LAG3: variants seen among roughly 807,000 people sequenced by gnomAD.
The protein encoded by LAG3 is lymphocyte activation gene 3 protein.
Under a neutral mutation model 49.0 loss-of-function variants are expected in LAG3, and 29 were observed. That is an observed-to-expected ratio of 0.59 (90% CI 0.44 to 0.81). The LOEUF (loss-of-function observed/expected upper bound fraction) is 0.81. Ranked by LOEUF, LAG3 falls within the 30% of genes least tolerant of loss-of-function variation. The probability of loss-of-function intolerance (pLI) is 0.00; values close to 1 mark genes in which losing one functional copy is unlikely to be tolerated. For missense variants in LAG3, 693 were observed against 695.2 expected, an observed-to-expected ratio of 1.00 and a Z score of 0.04; for synonymous variants, 320 against 297.3, an observed-to-expected ratio of 1.08 and a Z score of -0.79.
chr12:6,777,639 G>T, intron 6 of LAG3, 133 bp downstream of exon 6: 1 of 1,463,118 alleles, frequency 6.8e-7, no homozygotes, highest in Non-Finnish European at 9.3e-7. Context: ...CTTTTGCCTA[G>T]GGTTGACCCG....
Position 6,772,783 on chromosome 12 carries a change from C to CCCCCCCCCG in LAG3, c.-68_-67insCCCCCCGCC. ...AGAACTTCTCCTTTACCCCCCACCC[C>CCCCCCCCCG]CCACCACTGCCCCCTTTCCTTTTCT... On this transcript the variant is annotated 5_prime_UTR_variant, in exon 1 of 8. Transcript: ENST00000203629. The CCCCCCCCCG allele has an allele frequency of 8.9e-7, 1 of 1,121,562 alleles. No individual in the cohort carries two copies. The highest frequency in any genetic ancestry group is 2.0e-5 in the Admixed American group (1 of 49,940). The allele number at this position is 1,121,562 out of a possible 1,614,324, so 69.5% of individuals were successfully genotyped here. A position where few individuals can be genotyped will look rare whatever the true frequency, so the allele number is the denominator to read the frequency against.
chr12:6,775,443 C>T lies in LAG3; in HGVS notation c.952C>T (p.Leu318Phe), dbSNP rs1411219744. ...LVTGDNGDFT[L>F]RLEDVSQAQA... is the part of the protein sequence containing the mutation. ...GACTGGAGACAATGGCGACTTTACC[C>T]TTCGACTAGAGGATGTGAGCCAGGC... is the stretch of plus-strand genomic sequence containing the variant. The change falls in exon 5 of 8, where the codon CTT (leucine) becomes TTT (phenylalanine). Residue 318 changes from leucine to phenylalanine, a missense_variant. Physicochemically the swap from Leu to Phe is conservative, Grantham distance 22. Transcript: ENST00000203629. 3 of 1,614,220 alleles carry T rather than the reference C, an allele frequency of 1.9e-6. No individual in the cohort carries two copies. The highest frequency in any genetic ancestry group is 1.7e-5 in the Admixed American group (1 of 60,028).
At position 6,777,494 on chromosome 12, in the gene LAG3, C is replaced by A; in HGVS notation, c.1288C>A (p.Leu430Met). ...TGGAGCAGCAGTGTACTTCACAGAG[C>A]TGTCTAGCCCAGGTCCGAGGCCCCA... is the stretch of plus-strand genomic sequence containing the variant. Reference protein sequence around the residue: ...LLGAAVYFTELSSPGAQRSGR... With the variant: ...LLGAAVYFTEMSSPGAQRSGR... Residue 430 changes from leucine to methionine, a missense_variant, in exon 6 of 8, where the codon CTG (leucine) becomes ATG (methionine). By Grantham distance (15) the Leu-to-Met change is conservative (BLOSUM62 2). Transcript: ENST00000203629. 1 of 1,613,600 alleles carries A rather than the reference C, an allele frequency of 6.2e-7. No individual in the cohort carries two copies. Among genetic ancestry groups the A allele is most frequent in the East Asian group, 2.2e-5 (1 of 44,882 alleles).
rs1941934288 is a variant in LAG3 at position 6,778,444 on chromosome 12, T to C, written c.*54T>C. On this transcript the variant is annotated 3_prime_UTR_variant, in exon 8 of 8. Coordinates refer to ENST00000203629, the MANE Select transcript of LAG3 (RefSeq NM_002286.6). ...AGCAGCCCAGTCCAAATAAACTCCC[T>C]GTCAGCAGCAAGCCTGAGTCTGGCT... is the stretch of plus-strand genomic sequence containing the variant. 1 of 1,583,048 alleles carries C rather than the reference T, an allele frequency of 6.3e-7. No individual in the cohort carries two copies. Among genetic ancestry groups the C allele is most frequent in the Non-Finnish European group, 8.5e-7 (1 of 1,170,376 alleles).
rs1342075693 is a variant in LAG3, at chr12:6,777,301, G to A, written c.1095G>A (p.Gly365=). Residue 365 remains glycine, a synonymous_variant, in exon 6 of 8, where the codon GGG becomes GGA. Transcript: ENST00000203629. ...CCTTTGGGTCACCTGGATCCCTGGG[G>A]AAGCTGCTTTGTGAGGTGACTCCAG... ...PKSFGSPGSL[G]KLLCEVTPVS... is the part of the protein sequence containing the mutation. The A allele has an allele frequency of 1.3e-5, 21 of 1,614,016 alleles. No homozygotes were observed. The highest frequency in any genetic ancestry group is 1.7e-5 in the Admixed American group (1 of 59,992).
chr12:6,777,100 T>C (rs1366689570), intron 5 of LAG3, among the ~76,000 whole-genome samples, 164 bp from the exon 6 acceptor site: 1 of 151,896 alleles, frequency 6.6e-6, no homozygotes, highest in Non-Finnish European at 1.5e-5. Flanking sequence ...AAAAAATAAA[T>C]AGAAAGAAAA....
In LAG3 at chr12:6,774,709, G is replaced by A. The variant is rs766966277; in HGVS notation, c.626G>A (p.Gly209Asp). ...CATTGGTTCCGGAACCGGGGCCAGGGCCGAGTCCCTGTCCGGGAGTCCCCC... is the reference window on the plus strand; with the variant it reads ...CATTGGTTCCGGAACCGGGGCCAGGACCGAGTCCCTGTCCGGGAGTCCCCC... ...SVHWFRNRGQ[G>D]RVPVRESPHH... Residue 209 changes from glycine to aspartate, a missense_variant, in exon 4 of 8, where the codon GGC (glycine) becomes GAC (aspartate). Coordinates refer to ENST00000203629, the MANE Select transcript of LAG3 (RefSeq NM_002286.6). 34 of 1,614,020 alleles carry A rather than the reference G, an allele frequency of 2.1e-5. No individual in the cohort carries two copies. The highest frequency in any genetic ancestry group is 2.6e-5 in the Non-Finnish European group (31 of 1,180,004).
In LAG3 at chr12:6,773,844, C is replaced by T; in HGVS notation, c.354C>T (p.Pro118=). The part of the protein sequence containing the change: ...GLRSGRLPLQ[P]RVQLDERGRQ... Reference sequence around the variant, plus strand: ...GCAGCGGGAGGCTGCCCCTGCAGCCCCGCGTCCAGCTGGATGAGCGCGGCC... The same window carrying T: ...GCAGCGGGAGGCTGCCCCTGCAGCCTCGCGTCCAGCTGGATGAGCGCGGCC... The change falls in exon 3 of 8, where the codon CCC becomes CCT. Residue 118 remains proline (P), a synonymous_variant. Coordinates refer to ENST00000203629, the MANE Select transcript of LAG3 (RefSeq NM_002286.6). This position sits in a 1 kb window ranked among gnomAD's most constrained non-coding sequence, Gnocchi z 5.5. The T allele has an allele frequency of 7.1e-7, 1 of 1,411,712 alleles. No individual in the cohort carries two copies. The highest frequency in any genetic ancestry group is 9.2e-7 in the Non-Finnish European group (1 of 1,087,956). 87.4% of individuals were successfully genotyped at this position (1,411,712 alleles called of 1,614,324 possible). A position where few individuals can be genotyped will look rare whatever the true frequency, so the allele number is the denominator to read the frequency against.
Position 6,774,731 on chromosome 12 carries a change from C to CT in LAG3, c.648_649insT (p.Pro217SerfsTer40). ...AGGGCCGAGTCCCTGTCCGGGAGTC[C>CT]CCCCATCACCACTTAGCGGAAAGCT... On this transcript the variant is annotated frameshift_variant, in exon 4 of 8. Transcript: ENST00000203629. LOFTEE classifies it high-confidence loss of function. 6 of 1,614,152 alleles carry CT rather than the reference C, an allele frequency of 3.7e-6. No homozygotes were observed. Among genetic ancestry groups the CT allele is most frequent in the Non-Finnish European group, 4.2e-6 (5 of 1,180,020 alleles).
intron 5 of LAG3, chr12:6,775,848 T>C (rs1941901733): frequency 2.7e-6 from 1 of 368,850 alleles, no homozygotes; most frequent in Non-Finnish European, 5.0e-6. Context: ...TTCTGAATGG[T>C]TCGAAAGAGG....
chr12:6,775,130 C>G (rs975442916), intron 4 of LAG3, 143 bp from the exon 5 acceptor site: 8 of 1,016,924 alleles, frequency 7.9e-6, no homozygotes, highest in East Asian at 2.4e-5. Context: ...TGAGCCTCCT[C>G]AGCTCATCAC....
In LAG3 at chr12:6,775,703, C is replaced by T. The variant is rs144978444; in HGVS notation, c.1057+155C>T. ...TGCCCATCTCGGCCCCCACTTTTCTCACCCCCATAATAAAGAAACGAAACT... is the reference window on the plus strand; with the variant it reads ...TGCCCATCTCGGCCCCCACTTTTCTTACCCCCATAATAAAGAAACGAAACT... On this transcript the variant is annotated intron_variant, in intron 5 of 7. Coordinates refer to ENST00000203629, the MANE Select transcript of LAG3 (RefSeq NM_002286.6). 44 of 678,034 alleles carry T rather than the reference C, an allele frequency of 6.5e-5. No individual in the cohort carries two copies. In the Middle Eastern group the frequency reaches 1.0e-3, roughly 16 times the overall value. The allele number at this position is 678,034 out of a possible 1,614,324, so 42.0% of individuals were successfully genotyped here. A position where few individuals can be genotyped will look rare whatever the true frequency, so the allele number is the denominator to read the frequency against.
chr12:6,774,349 G>A (rs141288593), intron 3 of LAG3, among the ~76,000 whole-genome samples: 1 of 152,200 alleles, frequency 6.6e-6, no homozygotes, highest in Non-Finnish European at 1.5e-5. Flanking sequence ...CCAGGAAAAC[G>A]GCAAGGGTGG....
Position 6,774,701 on chromosome 12 carries a change from G to C in LAG3, c.618G>C (p.Arg206=). The C allele has an allele frequency of 6.2e-7, 1 of 1,614,062 alleles. No individual in the cohort carries two copies. Among genetic ancestry groups the C allele is most frequent in the Non-Finnish European group, 8.5e-7 (1 of 1,179,980 alleles). The change falls in exon 4 of 8, where the codon CGG becomes CGC. Residue 206 remains arginine (R), a synonymous_variant. Transcript: ENST00000203629. ...RPASVHWFRN[R]GQGRVPVRES... is the part of the protein sequence containing the mutation. ...CCTCTGTGCATTGGTTCCGGAACCG[G>C]GGCCAGGGCCGAGTCCCTGTCCGGG...
At chr12:6,774,933 T>C (rs191916231) in intron 4 of LAG3, 69 bp downstream of exon 4, 2 of 1,478,520 alleles carry the variant, frequency 1.4e-6, no homozygotes, top group African/African-American at 1.4e-5. Context: ...CTCCCCTAAC[T>C]ATGGGTCCCC....
At position 6,777,294 on chromosome 12, in the gene LAG3, C is replaced by A. The variant is rs773204432; in HGVS notation, c.1088C>A (p.Ser363Tyr). ...VTPKSFGSPGSLGKLLCEVTP... is the reference protein window; with the variant it reads ...VTPKSFGSPGYLGKLLCEVTP... ...CCCAAATCCTTTGGGTCACCTGGAT[C>A]CCTGGGGAAGCTGCTTTGTGAGGTG... is the stretch of plus-strand genomic sequence containing the variant. The change falls in exon 6 of 8, where the codon TCC becomes TAC. Residue 363 changes from serine to tyrosine, a missense_variant. By Grantham distance (144) the Ser-to-Tyr change is moderately radical. Coordinates refer to ENST00000203629, the MANE Select transcript of LAG3 (RefSeq NM_002286.6). The A allele has an allele frequency of 6.2e-7, 1 of 1,614,170 alleles. No individual in the cohort carries two copies. The highest frequency in any genetic ancestry group is 8.5e-7 in the Non-Finnish European group (1 of 1,180,030).
intron 3 of LAG3, 35 bp from the exon 4 acceptor site, chr12:6,774,560 A>G: frequency 1.3e-6 from 2 of 1,588,074 alleles, no homozygotes; most frequent in Non-Finnish European, 1.7e-6. Context: ...AATTGTTTCC[A>G]GTGGGCTGAT....
At chr12:6,774,448 A>G (rs1419290060) in intron 3 of LAG3, 147 bp from the exon 4 acceptor site, 1 of 892,312 alleles carries the variant, frequency 1.1e-6, no homozygotes, top group East Asian at 2.6e-5. Flanking sequence ...AGGTGCTGGA[A>G]GCTGAGATGG....
intron 3 of LAG3, 36 bp downstream of exon 3, chr12:6,774,037 G>A: frequency 1.4e-6 from 2 of 1,382,866 alleles, no homozygotes; most frequent in South Asian, 1.6e-5. Flanking sequence ...AGGGCTGGGA[G>A]GTGGGTCCCC....
Sources: gnomAD v4.1 joint callset for allele counts (sites outside exome capture counted in the v4.1 genomes callset) on GRCh38, gnomAD v4.1.1 for gene constraint, Gnocchi (gnomAD v3.1) non-coding constraint, MANE v1.5 for transcripts, NCBI Gene and HGNC (gene_info 2026-07-23, HGNC 2026-07-21) for gene names.